Variants in PACS2 observed in about 807,000 individuals in gnomAD.
PACS2 encodes the protein phosphofurin acidic cluster sorting protein 2, also known as PACS1-like protein.
Under a neutral mutation model 113.0 loss-of-function variants are expected in PACS2, and 36 were observed. The ratio of observed to expected loss-of-function variants is 0.32; its 90% CI spans 0.24 to 0.42. PACS2 has a LOEUF of 0.42. Ranked by LOEUF, PACS2 falls within the 10% of genes least tolerant of loss-of-function variation. PACS2 has a pLI of 1.00. For missense variants in PACS2, 1,015 were observed against 1,239.5 expected, an observed-to-expected ratio of 0.82 and a Z score of 2.72; for synonymous variants, 589 against 536.1, an observed-to-expected ratio of 1.10 and a Z score of -1.36.
Position 105,330,421 on chromosome 14 carries a change from A to G in PACS2, c.119+15384A>G, listed in dbSNP as rs1319139565. On this transcript the variant is annotated intron_variant, in intron 1 of 24. Transcript: ENST00000447393. This position sits in a 1 kb window ranked among gnomAD's most constrained non-coding sequence, Gnocchi z 6.9. ...AGGGCGTGTGGGTTCCGGGAGGCTCACTATAGTGATGTCCTGCCTTAGACG... is the reference window on the plus strand; with the variant it reads ...AGGGCGTGTGGGTTCCGGGAGGCTCGCTATAGTGATGTCCTGCCTTAGACG... 2.0e-5 allele frequency among the ~76,000 whole-genome samples: 3 copies of G among 152,178 alleles called. No individual in the cohort carries two copies. The highest frequency in any genetic ancestry group is 7.2e-5 in the African/African-American group (3 of 41,456).
At chr14:105,379,854 C>G in intron 10 of PACS2, 25 bp downstream of exon 10, 1 of 1,600,636 alleles carries the variant, frequency 6.2e-7, no homozygotes, top group Non-Finnish European at 8.6e-7. Flanking sequence ...ACTGATCTCC[C>G]AGAGCAGACC....
In PACS2 at chr14:105,376,835, A is replaced by G. The variant is rs373196528; in HGVS notation, c.869A>G (p.Tyr290Cys). 8.7e-6 allele frequency: 14 copies of G among 1,613,064 alleles called. No individual in the cohort carries two copies. The highest frequency in any genetic ancestry group is 1.2e-5 in the Non-Finnish European group (14 of 1,179,796). The change falls in exon 9 of 25, where the codon TAT becomes TGT. Residue 290 changes from tyrosine to cysteine, a missense_variant. This residue lies in a region of PACS2 where 859 missense variants were observed against 1,056.8 expected (regional missense o/e 0.81). Coordinates refer to ENST00000447393, the MANE Select transcript of PACS2 (RefSeq NM_001100913.3). The surrounding 1 kb of genome is among the most constrained non-coding windows in gnomAD (Gnocchi z 4.7). ...GCAGAGGAGGACCTGGACCTCCTGT[A>G]TGACACCCTGGACATGGAGCACCCC... ...PEAEEDLDLLYDTLDMEHPSD... is the reference protein window; with the variant it reads ...PEAEEDLDLLCDTLDMEHPSD...
chr14:105,336,072 C>G (rs979333311), intron 1 of PACS2, among the ~76,000 whole-genome samples: 1 of 152,230 alleles, frequency 6.6e-6, no homozygotes, highest in Admixed American at 6.5e-5. Context: ...GCTGCCGCCA[C>G]AGGCCCCCAG....
chr14:105,328,411 A>T (rs1467189723), intron 1 of PACS2, among the ~76,000 whole-genome samples: 1 of 152,016 alleles, frequency 6.6e-6, no homozygotes, highest in East Asian at 1.9e-4. Flanking sequence ...CTCTCAGGAG[A>T]GGAGGGAGCT....
At chr14:105,339,021 G>C (rs587675987) in intron 1 of PACS2, among the ~76,000 whole-genome samples, 8 of 152,314 alleles carry the variant, frequency 5.3e-5, no homozygotes, top group African/African-American at 1.9e-4. Flanking sequence ...TGCCTCTGTG[G>C]CTTTGTTGAC....
chr14:105,305,193 G>A (rs587756943), intron 1 of PACS2, among the ~76,000 whole-genome samples: 3 of 152,024 alleles, frequency 2.0e-5, no homozygotes, highest in African/African-American at 7.2e-5. Context: ...TTGAGTCCAG[G>A]AGTTTGAGAC....
rs998534501 is a variant in PACS2, at chr14:105,324,361, G to A, written c.119+9324G>A. Among the ~76,000 whole-genome samples the A allele has an allele frequency of 6.6e-6, 1 of 152,076 alleles. No individual in the cohort carries two copies. The highest frequency in any genetic ancestry group is 1.5e-5 in the Non-Finnish European group (1 of 67,996). On this transcript the variant is annotated intron_variant, in intron 1 of 24. Coordinates refer to ENST00000447393, the MANE Select transcript of PACS2 (RefSeq NM_001100913.3). The surrounding 1 kb of genome is among the most constrained non-coding windows in gnomAD (Gnocchi z 4.7). Reference sequence around the variant, plus strand: ...GGTGGGAAGGGGTGGCAGGATGGAGGTTGTACAGTGCTTTCCCCAGGACCA... The same window carrying A: ...GGTGGGAAGGGGTGGCAGGATGGAGATTGTACAGTGCTTTCCCCAGGACCA...
upstream of PACS2, among the ~76,000 whole-genome samples, chr14:105,309,700 C>T (rs587633511): frequency 1.3e-5 from 2 of 151,816 alleles, no homozygotes; most frequent in African/African-American, 2.4e-5. This position sits in a 1 kb window ranked among gnomAD's most constrained non-coding sequence, Gnocchi z 4.0. Context: ...TGCAGGACAC[C>T]GAGGATGTCA....
rs2080792411 is a variant in PACS2 at position 105,376,703 on chromosome 14, G to A, written c.802-65G>A. ...TTGCTCCTGCAGACTCTGGGGTCTC[G>A]GGCGCCCCCAGTGGGGCAATGTGGG... is the stretch of plus-strand genomic sequence containing the variant. On this transcript the variant is annotated intron_variant, in intron 8 of 24. Coordinates refer to ENST00000447393, the MANE Select transcript of PACS2 (RefSeq NM_001100913.3). The surrounding 1 kb of genome is among the most constrained non-coding windows in gnomAD (Gnocchi z 4.7). 4.6e-6 allele frequency: 7 copies of A among 1,515,320 alleles called. No individual in the cohort carries two copies. Among genetic ancestry groups the A allele is most frequent in the East Asian group, 4.6e-5 (2 of 43,206 alleles). 93.9% of individuals were successfully genotyped at this position (1,515,320 alleles called of 1,614,324 possible). A position where few individuals can be genotyped will look rare whatever the true frequency, so the allele number is the denominator to read the frequency against.
At chr14:105,301,041 C>T (rs905200419) in intron 1 of PACS2, 2 of 151,662 alleles carry the variant, frequency 1.3e-5, no homozygotes, top group African/African-American at 4.9e-5. Flanking sequence ...CAGCCCGGGA[C>T]TGGAGTTTGG....
intron 6 of PACS2, 24 bp downstream of exon 6, chr14:105,368,171 G>T (rs782713223): frequency 6.5e-7 from 1 of 1,542,154 alleles, no homozygotes; most frequent in Admixed American, 1.7e-5. Flanking sequence ...GGGGCTCCGC[G>T]CCCTCTCCTG....
chr14:105,318,482 T>A (rs1012640247), intron 1 of PACS2, among the ~76,000 whole-genome samples: 2 of 151,934 alleles, frequency 1.3e-5, no homozygotes, highest in African/African-American at 4.8e-5. Context: ...TGAGACAGAG[T>A]CTCACTCTGT....
chr14:105,389,791 G>C, intron 19 of PACS2, 170 bp from the exon 20 acceptor site: 1 of 671,456 alleles, frequency 1.5e-6, no homozygotes, highest in Non-Finnish European at 2.7e-6. Flanking sequence ...GGCTGGCAGT[G>C]GTTGGAGATG....
At chr14:105,367,065 G>T in intron 4 of PACS2, 148 bp from the exon 5 acceptor site, 3 of 667,232 alleles carry the variant, frequency 4.5e-6, no homozygotes, top group Non-Finnish European at 7.6e-6. Flanking sequence ...CTGTCCACTG[G>T]ATGCTCCCTG....
Position 105,379,814 on chromosome 14 carries a change from G to A in PACS2, c.1035G>A (p.Lys345=). ...GCATCCACAGCGCCCGCAGCCACAA[G>A]GAGCCCCCAAGCCCGGTGAGTGGGG... is the stretch of plus-strand genomic sequence containing the variant. ...IGSIHSARSH[K]EPPSPADVPE... Residue 345 remains lysine (K), a synonymous_variant, in exon 10 of 25, where the codon AAG becomes AAA. Coordinates refer to ENST00000447393, the MANE Select transcript of PACS2 (RefSeq NM_001100913.3). 6.2e-7 allele frequency: 1 copy of A among 1,613,616 alleles called. No homozygotes were observed. The highest frequency in any genetic ancestry group is 1.7e-5 in the Admixed American group (1 of 60,028).
At chr14:105,337,717 C>G (rs953185683) in intron 1 of PACS2, among the ~76,000 whole-genome samples, 98 of 152,338 alleles carry the variant, frequency 6.4e-4, no homozygotes, top group African/African-American at 2.3e-3. Flanking sequence ...CCTGAGCCCC[C>G]TGAGATGGGA....
chr14:105,376,009 C>T lies in PACS2; in HGVS notation c.802-759C>T, dbSNP rs1273174438. Reference sequence around the variant, plus strand: ...CTGCCAATCATGGCAGAAGGGGAAGCAGGCACCTTCTTTATGGGGCAGCAG... The same window carrying T: ...CTGCCAATCATGGCAGAAGGGGAAGTAGGCACCTTCTTTATGGGGCAGCAG... On this transcript the variant is annotated intron_variant, in intron 8 of 24. Coordinates refer to ENST00000447393, the MANE Select transcript of PACS2 (RefSeq NM_001100913.3). This position sits in a 1 kb window ranked among gnomAD's most constrained non-coding sequence, Gnocchi z 4.7. Among the ~76,000 whole-genome samples the T allele has an allele frequency of 1.3e-5, 2 of 152,142 alleles. No homozygotes were observed. The highest frequency in any genetic ancestry group is 6.5e-5 in the Admixed American group (1 of 15,280).
chr14:105,339,121 A>G (rs1399740604), intron 1 of PACS2, among the ~76,000 whole-genome samples: 3 of 152,142 alleles, frequency 2.0e-5, no homozygotes, highest in Non-Finnish European at 4.4e-5. Flanking sequence ...CTTGATGTTT[A>G]TGGTGGTTCC....
rs1272270202 is a variant in PACS2 at position 105,397,224 on chromosome 14, G to C, written c.*2552G>C. ...CCTCGGTTTTCCCACTGGTTACACA[G>C]GATGGTCGCATTTTCCCTGCCTACC... On this transcript the variant is annotated 3_prime_UTR_variant, in exon 25 of 25. Transcript: ENST00000447393. The C allele has an allele frequency of 6.6e-6, 1 of 152,344 alleles. No individual in the cohort carries two copies. The highest frequency in any genetic ancestry group is 2.4e-5 in the African/African-American group (1 of 41,466). The allele number at this position is 152,344 out of a possible 1,614,324, so 9.4% of individuals were successfully genotyped here.
Sources: allele counts gnomAD v4.1 joint callset (sites outside exome capture counted in the v4.1 genomes callset), GRCh38; gene constraint gnomAD v4.1.1; regional missense constraint gnomAD v4.1.1; non-coding constraint Gnocchi (gnomAD v3.1); transcripts MANE v1.5; gene names NCBI Gene and HGNC (gene_info 2026-07-23, HGNC 2026-07-21).